Variants in NOL4 observed in about 807,000 individuals in gnomAD.
The protein encoded by NOL4 is cancer/testis antigen 125.
In NOL4, 17 loss-of-function variants were observed where a neutral mutation model predicts 75.9. That is an observed-to-expected ratio of 0.22 (90% CI 0.15 to 0.34). The LOEUF (loss-of-function observed/expected upper bound fraction) is 0.34. Ranked by LOEUF, NOL4 falls within the 10% of genes least tolerant of loss-of-function variation. NOL4 has a pLI of 1.00. For missense variants in NOL4, 614 were observed against 793.5 expected, an observed-to-expected ratio of 0.77 and a Z score of 2.72; for synonymous variants, 292 against 289.9, an observed-to-expected ratio of 1.01 and a Z score of -0.07.
chr18:34,203,717 T>TCTCTCTCTCA (rs1261546835), intron 1 of NOL4, among the ~76,000 whole-genome samples: 60 of 72,298 alleles, frequency 8.3e-4, no homozygotes, highest in Middle Eastern at 0.014. Context: ...TCTCTCTCTC[T>TCTCTCTCTCA]CACACACACA....
intron 2 of NOL4, among the ~76,000 whole-genome samples, chr18:34,122,857 A>G (rs888141016): frequency 6.6e-6 from 1 of 152,136 alleles, no homozygotes. Context: ...CAAGGAAAAC[A>G]AACCTCTCGA....
intron 10 of NOL4, among the ~76,000 whole-genome samples, chr18:33,882,862 A>C (rs1181817944): frequency 1.3e-5 from 2 of 151,940 alleles, no homozygotes; most frequent in African/African-American, 4.8e-5. Context: ...TACACCATGG[A>C]ATACTATGCA....
In NOL4 at chr18:33,851,576, G is replaced by GA. The variant is rs890773110; in HGVS notation, c.*1265dup. ...GTAATCCAACCAAAGCTAAACAACA[G>GA]AAAAAAGTTGTATAAGAAGCATGAA... On this transcript the variant is annotated 3_prime_UTR_variant, in exon 11 of 11. Transcript: ENST00000261592. 1 of 152,272 alleles carries GA rather than the reference G, an allele frequency of 6.6e-6. No homozygotes were observed. The highest frequency in any genetic ancestry group is 1.5e-5 in the Non-Finnish European group (1 of 67,946). 9.4% of individuals were successfully genotyped at this position (152,272 alleles called of 1,614,324 possible). A position where few individuals can be genotyped will look rare whatever the true frequency, so the allele number is the denominator to read the frequency against.
chr18:33,945,574 G>A (rs1212641438), intron 8 of NOL4, among the ~76,000 whole-genome samples: 1 of 151,380 alleles, frequency 6.6e-6, no homozygotes, highest in African/African-American at 2.4e-5. Context: ...TTTCCTAGAT[G>A]TGTGAAATTA....
chr18:34,141,169 T>A (rs866151008), intron 1 of NOL4, among the ~76,000 whole-genome samples: 4 of 151,856 alleles, frequency 2.6e-5, no homozygotes, highest in Non-Finnish European at 5.9e-5. Flanking sequence ...AACCACTGCT[T>A]AACGAAATAA....
At chr18:33,941,209 G>A (rs1172259731) in intron 9 of NOL4, among the ~76,000 whole-genome samples, 1 of 151,926 alleles carries the variant, frequency 6.6e-6, no homozygotes, top group Non-Finnish European at 1.5e-5. Flanking sequence ...TACAGATTAG[G>A]CCAACAGTAT....
chr18:33,910,716 A>G (rs2066344960), intron 9 of NOL4, among the ~76,000 whole-genome samples: 2 of 152,146 alleles, frequency 1.3e-5, no homozygotes, highest in South Asian at 4.1e-4. Flanking sequence ...AGCAATGAGT[A>G]TACCTCTCCA....
At chr18:33,899,126 G>A (rs994742589) in intron 9 of NOL4, among the ~76,000 whole-genome samples, 2 of 152,138 alleles carry the variant, frequency 1.3e-5, no homozygotes, top group African/African-American at 2.4e-5. Flanking sequence ...AGGAGATAAA[G>A]AGGGTGAATA....
intron 1 of NOL4, among the ~76,000 whole-genome samples, chr18:34,159,195 CG>C (rs2031000105): frequency 6.6e-6 from 1 of 152,140 alleles, no homozygotes; most frequent in African/African-American, 2.4e-5. Context: ...GCCTCCTCCT[CG>C]CCTCCCCCGA....
intron 2 of NOL4, among the ~76,000 whole-genome samples, chr18:34,110,101 C>G (rs1409274044): frequency 9.0e-6 from 1 of 111,100 alleles, no homozygotes; most frequent in Non-Finnish European, 1.7e-5. Context: ...TAATCCTTCT[C>G]AAACTCCTTC....
intron 10 of NOL4, among the ~76,000 whole-genome samples, chr18:33,869,012 A>T (rs1479457618): frequency 6.6e-6 from 1 of 151,976 alleles, no homozygotes; most frequent in African/African-American, 2.4e-5. Flanking sequence ...CATTAAAAAA[A>T]TGGTCCTCTT....
intron 5 of NOL4, among the ~76,000 whole-genome samples, chr18:34,037,556 TA>T (rs1292961259): frequency 6.6e-6 from 1 of 151,998 alleles, no homozygotes; most frequent in Non-Finnish European, 1.5e-5. Context: ...GTATTGTTAT[TA>T]AAATAAACAC....
chr18:34,089,567 T>C (rs1413501005), intron 5 of NOL4, among the ~76,000 whole-genome samples: 1 of 152,220 alleles, frequency 6.6e-6, no homozygotes, highest in East Asian at 1.9e-4. Flanking sequence ...AAGTACTCAA[T>C]AGCCACAATG....
chr18:34,211,427 C>A (rs1444399771), intron 1 of NOL4, among the ~76,000 whole-genome samples: 1 of 152,128 alleles, frequency 6.6e-6, no homozygotes, highest in African/African-American at 2.4e-5. Flanking sequence ...AAAATCTCAT[C>A]TAATTAGGTC....
intron 2 of NOL4, among the ~76,000 whole-genome samples, chr18:34,111,284 CA>C (rs932806146): frequency 2.0e-5 from 3 of 152,074 alleles, no homozygotes; most frequent in Non-Finnish European, 4.4e-5. Flanking sequence ...ATAAAGAACT[CA>C]AAAAATTTCA....
At chr18:33,982,320 A>C (rs1425366069) in intron 6 of NOL4, among the ~76,000 whole-genome samples, 1 of 152,132 alleles carries the variant, frequency 6.6e-6, no homozygotes, top group Non-Finnish European at 1.5e-5. Context: ...CAAGAAGCCC[A>C]ATTCAAATAT....
At chr18:34,003,581 A>C (rs969088066) in intron 6 of NOL4, among the ~76,000 whole-genome samples, 1 of 152,054 alleles carries the variant, frequency 6.6e-6, no homozygotes, top group Non-Finnish European at 1.5e-5. Flanking sequence ...TGTAAGATAA[A>C]GTATAAGCCC....
chr18:34,025,050 G>C (rs2075275910), intron 5 of NOL4, among the ~76,000 whole-genome samples: 1 of 152,052 alleles, frequency 6.6e-6, no homozygotes, highest in African/African-American at 2.4e-5. Flanking sequence ...ATGACTAACA[G>C]CCCTCAATTC....
rs913060013 is a variant in NOL4 at position 34,130,130 on chromosome 18, T to C, written c.265-110A>G. On this transcript the variant is annotated intron_variant, in intron 1 of 10. Transcript: ENST00000261592. ...TTTTTATAACCTCAACAAAATCATC[T>C]ATATAGGAAACGTCAAAAATTCATG... is the stretch of plus-strand genomic sequence containing the variant. The C allele has an allele frequency of 1.6e-5, 17 of 1,046,964 alleles. No individual in the cohort carries two copies. In the African/African-American group the frequency reaches 2.5e-4, roughly 15 times the overall value. 64.9% of individuals were successfully genotyped at this position (1,046,964 alleles called of 1,614,324 possible).
Sources: gnomAD v4.1 joint callset for allele counts (sites outside exome capture counted in the v4.1 genomes callset) on GRCh38, gnomAD v4.1.1 for gene constraint, MANE v1.5 for transcripts, NCBI Gene and HGNC (gene_info 2026-07-23, HGNC 2026-07-21) for gene names.